Variants in DDX6 observed in about 807,000 individuals in gnomAD.
The protein encoded by DDX6 is probable ATP-dependent RNA helicase DDX6.
Under a neutral mutation model 60.6 loss-of-function variants are expected in DDX6, and 7 were observed. The ratio of observed to expected loss-of-function variants is 0.12; its 90% CI spans 0.07 to 0.22. DDX6 has a LOEUF of 0.22. DDX6 is among the 10% of genes least tolerant of loss of function. The probability of loss-of-function intolerance (pLI) is 1.00; values close to 1 mark genes in which losing one functional copy is unlikely to be tolerated. For missense variants in DDX6, 270 were observed against 589.9 expected (o/e 0.46, Z 5.62); for synonymous variants, 207 against 201.0 (o/e 1.03, Z -0.25).
intron 12 of DDX6, 116 bp downstream of exon 12, chr11:118,755,286 C>A: frequency 6.2e-6 from 4 of 642,636 alleles, no homozygotes; most frequent in Non-Finnish European, 1.1e-5. Flanking sequence ...AACTGAATTA[C>A]TGTTAATTCA....
chr11:118,754,033 G>A (rs568510349), intron 13 of DDX6, among the ~76,000 whole-genome samples: 4 of 152,178 alleles, frequency 2.6e-5, no homozygotes, highest in African/African-American at 9.7e-5. Context: ...GGGAGGCAGA[G>A]GTTGCAGTGG....
At chr11:118,767,390 T>C (rs1555161447) in intron 5 of DDX6, among the ~76,000 whole-genome samples, 3 of 152,194 alleles carry the variant, frequency 2.0e-5, no homozygotes, top group Non-Finnish European at 4.4e-5. Flanking sequence ...TCACGAAAGC[T>C]AAAAATGTAA....
At position 118,750,810 on chromosome 11, in the gene DDX6, T is replaced by A. The variant is rs1275200319; in HGVS notation, c.*1295A>T. 5 of 152,232 alleles carry A rather than the reference T, an allele frequency of 3.3e-5. No homozygotes were observed. Among genetic ancestry groups the A allele is most frequent in the African/African-American group, 1.2e-4 (5 of 41,364 alleles). 9.4% of individuals were successfully genotyped at this position (152,232 alleles called of 1,614,324 possible). On this transcript the variant is annotated 3_prime_UTR_variant, in exon 14 of 14. Transcript: ENST00000534980. ...GTTGAATTATCAATGTTTTGAAGCTTCCTTGCTCTCTCTGGTAAACCTACT... is the reference window on the plus strand; with the variant it reads ...GTTGAATTATCAATGTTTTGAAGCTACCTTGCTCTCTCTGGTAAACCTACT...
intron 13 of DDX6, among the ~76,000 whole-genome samples, chr11:118,753,218 C>T (rs868994706): frequency 6.6e-6 from 1 of 151,560 alleles, no homozygotes; most frequent in African/African-American, 2.4e-5. Context: ...TTAGTGGACA[C>T]GGGGTCTCAC....
At chr11:118,756,228 A>C in intron 11 of DDX6, 32 bp downstream of exon 11, 1 of 1,599,528 alleles carries the variant, frequency 6.3e-7, no homozygotes, top group Non-Finnish European at 8.6e-7. Context: ...TGGGAGAAAA[A>C]CACTGGGTAA....
chr11:118,751,105 T>TA lies in DDX6; in HGVS notation c.*999dup, dbSNP rs1352767811. 2.7e-3 allele frequency: 1 copy of TA among 372 alleles called. No individual in the cohort carries two copies. Among genetic ancestry groups the TA allele is most frequent in the African/African-American group, 0.024 (1 of 42 alleles). 0.0% of individuals were successfully genotyped at this position (372 alleles called of 1,614,324 possible). On this transcript the variant is annotated 3_prime_UTR_variant, in exon 14 of 14. Transcript: ENST00000534980. ...TATATATGAACCCAGAAAAAAAACT[T>TA]ATTTACAAAGTTATACAAGTATACA...
At chr11:118,759,851 T>A (rs189225752) in intron 8 of DDX6, 71 bp downstream of exon 8, 1 of 1,486,808 alleles carries the variant, frequency 6.7e-7, no homozygotes, top group African/African-American at 1.4e-5. Context: ...GATATGAAGA[T>A]GTAATTACAA....
intron 2 of DDX6, 40 bp downstream of exon 2, chr11:118,786,012 T>TCCC (rs770438572): frequency 1.3e-6 from 2 of 1,571,556 alleles, no homozygotes; most frequent in African/African-American, 1.3e-5. Flanking sequence ...AAATCTTGGT[T>TCCC]CCCCACAAGT....
chr11:118,777,421 T>A (rs1316209668), intron 4 of DDX6, among the ~76,000 whole-genome samples: 1 of 152,190 alleles, frequency 6.6e-6, no homozygotes, highest in Non-Finnish European at 1.5e-5. Flanking sequence ...GATATGTATA[T>A]ACATGCATTT....
chr11:118,781,885 G>A (rs543060835), intron 2 of DDX6, among the ~76,000 whole-genome samples: 7 of 151,442 alleles, frequency 4.6e-5, no homozygotes, highest in South Asian at 2.1e-4. Context: ...CCAAGCTCAC[G>A]ACACTGCACT....
In DDX6 at chr11:118,773,291, C is replaced by T. The variant is rs565821773; in HGVS notation, c.370-4939G>A. The stretch of plus-strand genomic sequence containing the variant: ...GGAAAAAAAACCTATGGTTAAAGGC[C>T]GGGCGCGGTGGCTCACGCCTGTAAT... On this transcript the variant is annotated intron_variant, in intron 4 of 13. Coordinates refer to ENST00000534980, the MANE Select transcript of DDX6 (RefSeq NM_004397.6). Among the ~76,000 whole-genome samples, 64 of 152,226 alleles carry T rather than the reference C, an allele frequency of 4.2e-4. No homozygotes were observed. In the South Asian group the frequency reaches 0.012, roughly 29 times the overall value.
At position 118,748,760 on chromosome 11, in the gene DDX6, A is replaced by T. The variant is rs1860647927; in HGVS notation, c.*3345T>A. ...CCCACCCCTATTAAAAAAAAAAATT[A>T]AAAAATTAAACCACGTCATCAGAAT... is the stretch of plus-strand genomic sequence containing the variant. On this transcript the variant is annotated 3_prime_UTR_variant, in exon 14 of 14. Coordinates refer to ENST00000534980, the MANE Select transcript of DDX6 (RefSeq NM_004397.6). The T allele has an allele frequency of 6.7e-6, 1 of 149,766 alleles. No homozygotes were observed. The highest frequency in any genetic ancestry group is 1.5e-5 in the Non-Finnish European group (1 of 67,540). 9.3% of individuals were successfully genotyped at this position (149,766 alleles called of 1,614,324 possible).
chr11:118,781,058 G>A (rs1861881992), intron 3 of DDX6, 63 bp downstream of exon 3: 14 of 1,132,044 alleles, frequency 1.2e-5, no homozygotes, highest in Non-Finnish European at 1.8e-5. Flanking sequence ...GATACCGAGG[G>A]ACAGCTATAC....
intron 13 of DDX6, among the ~76,000 whole-genome samples, chr11:118,754,302 G>A (rs1340952116): frequency 6.6e-6 from 1 of 152,204 alleles, no homozygotes; most frequent in African/African-American, 2.4e-5. Context: ...GTGGTGGCAT[G>A]TGCCTACAGT....
rs1860763052 is a variant in DDX6 at position 118,751,364 on chromosome 11, TG to T, written c.*740del. ...CCCAGAAGAAATTTTTACTTGGGAT[TG>T]TTTTTTTAAATACATGTATTTACAG... is the stretch of plus-strand genomic sequence containing the variant. On this transcript the variant is annotated 3_prime_UTR_variant, in exon 14 of 14. Transcript: ENST00000534980. 1 of 152,002 alleles carries T rather than the reference TG, an allele frequency of 6.6e-6. No homozygotes were observed. The highest frequency in any genetic ancestry group is 1.5e-5 in the Non-Finnish European group (1 of 68,000). 9.4% of individuals were successfully genotyped at this position (152,002 alleles called of 1,614,324 possible). A position where few individuals can be genotyped will look rare whatever the true frequency, so the allele number is the denominator to read the frequency against.
chr11:118,787,602 C>G (rs1227246707), intron 1 of DDX6: 1 of 152,124 alleles, frequency 6.6e-6, no homozygotes, highest in African/African-American at 2.4e-5. Flanking sequence ...CAGACGGAGG[C>G]TGCAGTGAGC....
intron 2 of DDX6, among the ~76,000 whole-genome samples, chr11:118,785,597 CAGAA>C (rs754101365): frequency 3.3e-5 from 5 of 151,466 alleles, no homozygotes; most frequent in Non-Finnish European, 4.4e-5. Flanking sequence ...GCTTGGAGTT[CAGAA>C]GGCTGGGCAA....
In DDX6 at chr11:118,781,207, G is replaced by T. The variant is rs781906554; in HGVS notation, c.201-23C>A. The T allele has an allele frequency of 7.7e-5, 116 of 1,502,842 alleles. 1 individual carries two copies. The South Asian group carries it at 1.3e-3, about 17-fold the overall frequency. The allele number at this position is 1,502,842 out of a possible 1,614,324, so 93.1% of individuals were successfully genotyped here. On this transcript the variant is annotated intron_variant, in intron 2 of 13. Coordinates refer to ENST00000534980, the MANE Select transcript of DDX6 (RefSeq NM_004397.6). ...GGTCTAGAGAGAATACAGTAAACTT[G>T]AAGTATCAAAATTCATAGCATCCTA...
At chr11:118,765,527 C>A (rs1861321056) in intron 5 of DDX6, among the ~76,000 whole-genome samples, 172 bp from the exon 6 acceptor site, 1 of 152,238 alleles carries the variant, frequency 6.6e-6, no homozygotes, top group African/African-American at 2.4e-5. Context: ...GTAATCCCAG[C>A]ACTCTGGGAG....
Sources: gnomAD v4.1 joint callset for allele counts (sites outside exome capture counted in the v4.1 genomes callset) on GRCh38, gnomAD v4.1.1 for gene constraint, MANE v1.5 for transcripts, NCBI Gene and HGNC (gene_info 2026-07-23, HGNC 2026-07-21) for gene names.